The following MEOX2 variants were observed in gnomAD, a reference collection of about 807,000 sequenced individuals.
The protein encoded by MEOX2 is mesenchyme homeobox 2.
In MEOX2, 11 loss-of-function variants were observed where a neutral mutation model predicts 27.0. That is an observed-to-expected ratio of 0.41 (90% confidence interval 0.26 to 0.68). The LOEUF (loss-of-function observed/expected upper bound fraction) is 0.68, where lower values mean the gene tolerates loss of function less well. Among genes scored for constraint, MEOX2 ranks in the 30% least tolerant of loss-of-function variants. The probability of loss-of-function intolerance (pLI) is 0.33; values close to 1 mark genes in which losing one functional copy is unlikely to be tolerated. For synonymous variants in MEOX2, 189 were observed against 155.4 expected (o/e 1.22, Z -1.61); for missense variants, 436 against 385.4 (o/e 1.13, Z -1.10).
chr7:15,674,556 CTGTGTGTG>C (rs55995772), intron 1 of MEOX2, among the ~76,000 whole-genome samples: 2 of 135,558 alleles, frequency 1.5e-5, no homozygotes, highest in Admixed American at 7.0e-5. Context: ...ATAAAAGATT[CTGTGTGTG>C]TGTGTGTGTG....
At chr7:15,624,538 C>T (rs1376374650) in intron 2 of MEOX2, among the ~76,000 whole-genome samples, 2 of 152,120 alleles carry the variant, frequency 1.3e-5, no homozygotes, top group Admixed American at 6.6e-5. Flanking sequence ...AGTTTTCCCC[C>T]TCAGTGCTCC....
At chr7:15,679,306 C>A (rs1782255109) in intron 1 of MEOX2, 1 of 151,964 alleles carries the variant, frequency 6.6e-6, no homozygotes, top group South Asian at 2.1e-4. Flanking sequence ...CAGCACCCTC[C>A]CTTTTATCCT....
intron 1 of MEOX2, among the ~76,000 whole-genome samples, chr7:15,659,380 T>A (rs1328507771): frequency 6.6e-6 from 1 of 151,982 alleles, no homozygotes; most frequent in Admixed American, 6.6e-5. Flanking sequence ...TGCAGTCGGG[T>A]GTGTGCATAT....
intron 2 of MEOX2, among the ~76,000 whole-genome samples, chr7:15,616,288 C>G (rs1390700563): frequency 6.6e-6 from 1 of 151,576 alleles, no homozygotes; most frequent in Non-Finnish European, 1.5e-5. Flanking sequence ...ATGGGCATAT[C>G]TTATAGAAAA....
intron 2 of MEOX2, among the ~76,000 whole-genome samples, chr7:15,621,988 G>A (rs1393221268): frequency 6.6e-6 from 1 of 152,008 alleles, no homozygotes; most frequent in Non-Finnish European, 1.5e-5. Flanking sequence ...CATGGTAGCA[G>A]GTGCCTGTAA....
At chr7:15,654,617 G>A (rs1396495402) in intron 1 of MEOX2, among the ~76,000 whole-genome samples, 1 of 151,770 alleles carries the variant, frequency 6.6e-6, no homozygotes, top group African/African-American at 2.4e-5. Context: ...AATGCATCTT[G>A]AAATTTGTCA....
chr7:15,627,179 C>T (rs552834542), intron 1 of MEOX2, among the ~76,000 whole-genome samples: 9 of 152,022 alleles, frequency 5.9e-5, no homozygotes, highest in African/African-American at 2.2e-4. Flanking sequence ...AAACCTTTAA[C>T]TGCTTGTAGT....
intron 1 of MEOX2, among the ~76,000 whole-genome samples, chr7:15,656,530 G>C (rs939050548): frequency 1.3e-5 from 2 of 149,918 alleles, no homozygotes; most frequent in African/African-American, 4.9e-5. Context: ...CTTTGATGTT[G>C]TGCTGGATAT....
At chr7:15,647,417 C>A (rs115785926) in intron 1 of MEOX2, among the ~76,000 whole-genome samples, 3 of 152,058 alleles carry the variant, frequency 2.0e-5, no homozygotes, top group African/African-American at 4.8e-5. Flanking sequence ...TTAGTAAATT[C>A]TCTAGCTAAG....
At chr7:15,651,617 C>T (rs1781733282) in intron 1 of MEOX2, among the ~76,000 whole-genome samples, 1 of 151,936 alleles carries the variant, frequency 6.6e-6, no homozygotes, top group Non-Finnish European at 1.5e-5. Flanking sequence ...TCCAGTAGCA[C>T]ATGCCAGGTC....
chr7:15,639,185 T>C (rs1583758206), intron 1 of MEOX2, among the ~76,000 whole-genome samples: 1 of 152,154 alleles, frequency 6.6e-6, no homozygotes, highest in East Asian at 1.9e-4. Context: ...TGGTATGAGA[T>C]GGTATCTCAT....
intron 1 of MEOX2, among the ~76,000 whole-genome samples, chr7:15,627,808 A>AACACACACACACACACAC (rs71549949): frequency 0.09 from 13,310 of 147,138 alleles, 703 homozygotes; most frequent in African/African-American, 0.14. Flanking sequence ...ATCAATAGTA[A>AACACACACACACACACAC]ACACACACAC....
intron 2 of MEOX2, among the ~76,000 whole-genome samples, chr7:15,616,410 ACAC>A: frequency 2.0e-5 from 3 of 151,948 alleles, no homozygotes; most frequent in Admixed American, 2.0e-4. Context: ...TTGGAAAAAC[ACAC>A]ATTTTTCTAT....
At chr7:15,638,947 A>G (rs1435891489) in intron 1 of MEOX2, among the ~76,000 whole-genome samples, 1 of 152,092 alleles carries the variant, frequency 6.6e-6, no homozygotes, top group Non-Finnish European at 1.5e-5. Flanking sequence ...AAACATGATA[A>G]AAACAGGTGA....
rs530684748 is a variant in MEOX2, at chr7:15,612,076, T to C, written c.*311A>G. On this transcript the variant is annotated 3_prime_UTR_variant, in exon 3 of 3. Coordinates refer to ENST00000262041, the MANE Select transcript of MEOX2 (RefSeq NM_005924.5). ...CTTGAATAAAAAACCGTTCATAGTT[T>C]GCTCTTGATAGCAATTTAATTTTCA... 62 of 349,448 alleles carry C rather than the reference T, an allele frequency of 1.8e-4. No individual in the cohort carries two copies. Among genetic ancestry groups the C allele is most frequent in the Non-Finnish European group, 2.9e-4 (55 of 188,266 alleles). 21.6% of individuals were successfully genotyped at this position (349,448 alleles called of 1,614,324 possible). A position where few individuals can be genotyped will look rare whatever the true frequency, so the allele number is the denominator to read the frequency against.
At chr7:15,660,484 G>A (rs1310090175) in intron 1 of MEOX2, among the ~76,000 whole-genome samples, 1 of 152,112 alleles carries the variant, frequency 6.6e-6, no homozygotes, top group African/African-American at 2.4e-5. Flanking sequence ...AATTCCTGAT[G>A]GTGGCGCACT....
chr7:15,668,499 T>C (rs898006809), intron 1 of MEOX2, among the ~76,000 whole-genome samples: 1 of 152,150 alleles, frequency 6.6e-6, no homozygotes, highest in African/African-American at 2.4e-5. Flanking sequence ...TTTTTTCTTT[T>C]GAGACAGAGT....
At position 15,686,577 on chromosome 7, in the gene MEOX2, C is replaced by G. The variant is rs1164929591; in HGVS notation, c.-175G>C. 1 of 636,568 alleles carries G rather than the reference C, an allele frequency of 1.6e-6. No individual in the cohort carries two copies. Among genetic ancestry groups the G allele is most frequent in the East Asian group, 2.7e-5 (1 of 36,518 alleles). The allele number at this position is 636,568 out of a possible 1,614,324, so 39.4% of individuals were successfully genotyped here. A position where few individuals can be genotyped will look rare whatever the true frequency, so the allele number is the denominator to read the frequency against. ...GGTCCTGAGCCCCAGCGGCCAGTCT[C>G]CTTTACATATGAACAGTCGGACCTG... On this transcript the variant is annotated 5_prime_UTR_variant, in exon 1 of 3. Transcript: ENST00000262041.
At chr7:15,616,528 G>C (rs1433582775) in intron 2 of MEOX2, among the ~76,000 whole-genome samples, 1 of 151,758 alleles carries the variant, frequency 6.6e-6, no homozygotes, top group Non-Finnish European at 1.5e-5. Context: ...TTTATAAATA[G>C]AGACTTCATA....
Sources: allele counts gnomAD v4.1 joint callset (sites outside exome capture counted in the v4.1 genomes callset), GRCh38; gene constraint gnomAD v4.1.1; transcripts MANE v1.5; gene names NCBI Gene and HGNC (gene_info 2026-07-23, HGNC 2026-07-21).